The following PIK3C2G variants were observed in gnomAD, a reference collection of about 807,000 sequenced individuals.
PIK3C2G encodes the protein phosphatidylinositol-4-phosphate 3-kinase catalytic subunit type 2 gamma.
Under a neutral mutation model 181.1 loss-of-function variants are expected in PIK3C2G, and 168 were observed. The ratio of observed to expected loss-of-function variants is 0.93; its 90% CI spans 0.82 to 1.05. The LOEUF (loss-of-function observed/expected upper bound fraction) is 1.05. PIK3C2G is among the 50% of genes least tolerant of loss of function. The probability of loss-of-function intolerance (pLI) is 0.00; values close to 1 mark genes in which losing one functional copy is unlikely to be tolerated. For synonymous variants in PIK3C2G, 573 were observed against 592.2 expected (o/e 0.97, Z 0.47); for missense variants, 1,869 against 1,732.8 (o/e 1.08, Z -1.40).
upstream of PIK3C2G, among the ~76,000 whole-genome samples, chr12:18,257,279 G>A (rs1034630403): frequency 3.3e-5 from 5 of 152,142 alleles, no homozygotes; most frequent in East Asian, 3.9e-4. Context: ...GACAATTCTC[G>A]GTTTGATGCA....
the PIK3C2G span, among the ~76,000 whole-genome samples, chr12:18,710,516 C>G: frequency 6.6e-6 from 1 of 151,736 alleles, no homozygotes; most frequent in South Asian, 2.1e-4. Flanking sequence ...TTGAGTGAGG[C>G]CGAAGGCTTT....
chr12:18,307,618 G>A (rs548653889), intron 5 of PIK3C2G, among the ~76,000 whole-genome samples: 1 of 151,778 alleles, frequency 6.6e-6, no homozygotes, highest in South Asian at 2.1e-4. Flanking sequence ...CCACCTTATG[G>A]TCCGTGCCTT....
intron 18 of PIK3C2G, among the ~76,000 whole-genome samples, chr12:18,448,027 G>A (rs995526366): frequency 6.6e-6 from 1 of 152,106 alleles, no homozygotes; most frequent in Non-Finnish European, 1.5e-5. Context: ...ATTGGAATGA[G>A]ACCTCAGTAG....
the PIK3C2G span, chr12:18,684,185 T>C: frequency 6.2e-7 from 1 of 1,612,350 alleles, no homozygotes; most frequent in Non-Finnish European, 8.5e-7. Context: ...CATTTCCTGC[T>C]ATTAAACCTT....
the PIK3C2G span, among the ~76,000 whole-genome samples, chr12:18,653,723 A>T: frequency 6.6e-6 from 1 of 152,202 alleles, no homozygotes; most frequent in Non-Finnish European, 1.5e-5. Context: ...TTAATAATTA[A>T]AGGAAAGACA....
At chr12:18,573,577 T>A (rs1946082632) in intron 29 of PIK3C2G, among the ~76,000 whole-genome samples, 1 of 152,132 alleles carries the variant, frequency 6.6e-6, no homozygotes, top group Admixed American at 6.5e-5. Flanking sequence ...CCTGGTAATT[T>A]TTCATTATCT....
At chr12:18,605,367 A>G (rs933559431) in intron 30 of PIK3C2G, among the ~76,000 whole-genome samples, 3 of 152,160 alleles carry the variant, frequency 2.0e-5, no homozygotes, top group Non-Finnish European at 2.9e-5. Flanking sequence ...GACCAATAAT[A>G]AGCAGTGAGA....
chr12:18,567,709 AAC>A (rs1945712137), intron 29 of PIK3C2G, among the ~76,000 whole-genome samples: 1 of 151,984 alleles, frequency 6.6e-6, no homozygotes, highest in African/African-American at 2.4e-5. Context: ...GAAGTGTCTC[AAC>A]AATATAAGAA....
intron 23 of PIK3C2G, among the ~76,000 whole-genome samples, chr12:18,504,258 T>C (rs1334717445): frequency 6.6e-6 from 1 of 152,150 alleles, no homozygotes; most frequent in Admixed American, 6.5e-5. Flanking sequence ...TGGAGCAAAA[T>C]ACAAGCTTTA....
intron 18 of PIK3C2G, among the ~76,000 whole-genome samples, chr12:18,450,269 G>C (rs976236795): frequency 7.9e-5 from 12 of 152,336 alleles, no homozygotes; most frequent in African/African-American, 2.6e-4. Flanking sequence ...TGGGATTACA[G>C]GCATGTGCCA....
At chr12:18,596,404 A>G (rs1947364643) in intron 30 of PIK3C2G, among the ~76,000 whole-genome samples, 1 of 152,104 alleles carries the variant, frequency 6.6e-6, no homozygotes, top group South Asian at 2.1e-4. Context: ...TTTTAAGTGT[A>G]TATTCTTTAA....
chr12:18,257,547 C>T (rs1002726390), upstream of PIK3C2G, among the ~76,000 whole-genome samples: 1 of 151,786 alleles, frequency 6.6e-6, no homozygotes, highest in African/African-American at 2.4e-5. Flanking sequence ...GCCACAGCTG[C>T]TTCTCAACAC....
chr12:18,501,798 C>T (rs12312123), intron 22 of PIK3C2G, among the ~76,000 whole-genome samples: 2,321 of 152,232 alleles, frequency 0.015, 57 homozygotes, highest in African/African-American at 0.053. Context: ...CATTAACTCC[C>T]TAGATCAACG....
chr12:18,251,383 G>C (rs1352349925), intron 1 of PIK3C2G, among the ~76,000 whole-genome samples: 1 of 151,834 alleles, frequency 6.6e-6, no homozygotes, highest in Non-Finnish European at 1.5e-5. Context: ...GTCTATTTGA[G>C]CCTTGTTGTT....
intron 11 of PIK3C2G, among the ~76,000 whole-genome samples, chr12:18,347,787 C>T (rs950930851): frequency 1.3e-5 from 2 of 150,990 alleles, no homozygotes; most frequent in Non-Finnish European, 2.9e-5. Context: ...CACTGCACTC[C>T]AGCCTGGGGG....
At chr12:18,461,976 C>T (rs1333924632) in intron 18 of PIK3C2G, among the ~76,000 whole-genome samples, 1 of 152,168 alleles carries the variant, frequency 6.6e-6, no homozygotes, top group Non-Finnish European at 1.5e-5. Flanking sequence ...TCTGTTGTCA[C>T]ATCTTCTCTT....
intron 30 of PIK3C2G, among the ~76,000 whole-genome samples, chr12:18,597,171 G>A (rs1354126588): frequency 6.6e-6 from 1 of 151,514 alleles, no homozygotes; most frequent in South Asian, 2.1e-4. Flanking sequence ...CTGTGTTAGG[G>A]AAACACCAAA....
chr12:18,726,264 T>C, the PIK3C2G span, among the ~76,000 whole-genome samples: 1 of 152,190 alleles, frequency 6.6e-6, no homozygotes, highest in African/African-American at 2.4e-5. Flanking sequence ...ACCTTTAAAA[T>C]GTTTCGTATT....
At chr12:18,625,651 G>A (rs1949064745) in intron 31 of PIK3C2G, among the ~76,000 whole-genome samples, 1 of 151,666 alleles carries the variant, frequency 6.6e-6, no homozygotes, top group African/African-American at 2.4e-5. Context: ...GTATTGAGAA[G>A]AATCTATCCC....
Sources: gnomAD v4.1 joint callset for allele counts (sites outside exome capture counted in the v4.1 genomes callset) on GRCh38, gnomAD v4.1.1 for gene constraint, MANE v1.5 for transcripts, NCBI Gene and HGNC (gene_info 2026-07-23, HGNC 2026-07-21) for gene names.